STXBP5L: variants seen among roughly 807,000 people sequenced by gnomAD.
STXBP5L encodes syntaxin binding protein 5L.
A neutral mutation model predicts 144.5 loss-of-function variants in STXBP5L; 65 were observed. The observed-to-expected ratio is 0.45, with a 90% CI of 0.37 to 0.55. The LOEUF is 0.55. Among genes scored for constraint, STXBP5L ranks in the 20% least tolerant of loss-of-function variants. The pLI is 0.00. For missense variants in STXBP5L, 1,298 were observed against 1,405.5 expected, an observed-to-expected ratio of 0.92 and a Z score of 1.22; for synonymous variants, 505 against 469.6, an observed-to-expected ratio of 1.08 and a Z score of -0.97.
At chr3:121,051,998 C>A (rs2107594634) in intron 5 of STXBP5L, among the ~76,000 whole-genome samples, 1 of 152,258 alleles carries the variant, frequency 6.6e-6, no homozygotes, top group East Asian at 1.9e-4. Flanking sequence ...GGATAAATTC[C>A]TGGACACATA....
chr3:121,007,165 A>G (rs1178401878), intron 3 of STXBP5L, among the ~76,000 whole-genome samples: 1 of 152,096 alleles, frequency 6.6e-6, no homozygotes, highest in East Asian at 1.9e-4. Context: ...ACATTTTTAA[A>G]TTCTACTTGT....
chr3:121,330,998 G>A (rs911997212), intron 20 of STXBP5L, among the ~76,000 whole-genome samples: 6 of 152,188 alleles, frequency 3.9e-5, no homozygotes, highest in Admixed American at 3.9e-4. Context: ...CTTGCAGACA[G>A]TCCCCACTAC....
intron 9 of STXBP5L, among the ~76,000 whole-genome samples, chr3:121,173,041 G>A (rs912557204): frequency 1.3e-5 from 2 of 152,156 alleles, no homozygotes; most frequent in African/African-American, 4.8e-5. Flanking sequence ...GGACATGGAT[G>A]AAGCTGGAAA....
chr3:121,244,978 C>T (rs897222776), intron 14 of STXBP5L, among the ~76,000 whole-genome samples: 1 of 152,004 alleles, frequency 6.6e-6, no homozygotes, highest in Non-Finnish European at 1.5e-5. Flanking sequence ...ACCACCGAAG[C>T]ATACAAAAAC....
At chr3:121,208,943 G>A (rs554252371) in intron 10 of STXBP5L, among the ~76,000 whole-genome samples, 4 of 151,540 alleles carry the variant, frequency 2.6e-5, no homozygotes, top group East Asian at 3.9e-4. Flanking sequence ...AACAGGCCAC[G>A]GTGTGTGATG....
chr3:121,293,175 G>T (rs2051510536), intron 19 of STXBP5L, among the ~76,000 whole-genome samples: 1 of 152,138 alleles, frequency 6.6e-6, no homozygotes, highest in Admixed American at 6.5e-5. Context: ...CAACATGGAT[G>T]AATCCAAAAT....
At chr3:121,006,367 A>G (rs1185572236) in intron 3 of STXBP5L, among the ~76,000 whole-genome samples, 2 of 151,916 alleles carry the variant, frequency 1.3e-5, no homozygotes, top group Non-Finnish European at 2.9e-5. Flanking sequence ...AGAGACTAGG[A>G]TTGCAATCCC....
intron 2 of STXBP5L, among the ~76,000 whole-genome samples, chr3:120,928,661 T>TGTGTGTGC (rs1709766648): frequency 6.6e-6 from 1 of 151,878 alleles, no homozygotes; most frequent in South Asian, 2.1e-4. Flanking sequence ...TGTGTGTGTG[T>TGTGTGTGC]GTGTGTGTGT....
intron 20 of STXBP5L, among the ~76,000 whole-genome samples, chr3:121,328,473 G>T (rs376209600): frequency 2.6e-4 from 39 of 152,208 alleles, no homozygotes; most frequent in African/African-American, 8.9e-4. Flanking sequence ...TCACGGCTGG[G>T]CCTGGTGGCT....
At chr3:121,361,999 G>C (rs1219517949) in intron 20 of STXBP5L, among the ~76,000 whole-genome samples, 1 of 152,150 alleles carries the variant, frequency 6.6e-6, no homozygotes, top group East Asian at 1.9e-4. Flanking sequence ...ATCTGCTTTG[G>C]GGGCACCCCA....
chr3:121,271,095 A>C (rs917762726), intron 18 of STXBP5L, among the ~76,000 whole-genome samples: 1 of 152,202 alleles, frequency 6.6e-6, no homozygotes, highest in Non-Finnish European at 1.5e-5. Context: ...CACCCATTAC[A>C]TTTAGCATCC....
rs566570758 is a variant in STXBP5L at position 120,911,016 on chromosome 3, C to G, written c.189+1249C>G. Among the ~76,000 whole-genome samples, 8 of 152,138 alleles carry G rather than the reference C, an allele frequency of 5.3e-5. No individual in the cohort carries two copies. The South Asian group carries it at 1.2e-3, about 24-fold the overall frequency. ...AGTCCTGGAGTTCAAATTTGAACTGCTAGGCAGGGGAATTATGCCCTGATT... is the reference window on the plus strand; with the variant it reads ...AGTCCTGGAGTTCAAATTTGAACTGGTAGGCAGGGGAATTATGCCCTGATT... On this transcript the variant is annotated intron_variant, in intron 2 of 26. Transcript: ENST00000471454.
intron 20 of STXBP5L, among the ~76,000 whole-genome samples, chr3:121,341,515 A>T (rs1002721627): frequency 1.3e-5 from 2 of 151,970 alleles, no homozygotes; most frequent in Non-Finnish European, 1.5e-5. Context: ...CCCACTACCA[A>T]GTGTATAGCC....
chr3:121,220,530 C>A (rs948063900), intron 10 of STXBP5L, among the ~76,000 whole-genome samples: 1 of 151,962 alleles, frequency 6.6e-6, no homozygotes, highest in Non-Finnish European at 1.5e-5. Context: ...GATCTGTAAT[C>A]TAATAAATGT....
At chr3:120,978,374 A>T (rs377514516) in intron 3 of STXBP5L, among the ~76,000 whole-genome samples, 1 of 152,102 alleles carries the variant, frequency 6.6e-6, no homozygotes, top group Non-Finnish European at 1.5e-5. Flanking sequence ...CGTAGTTCTC[A>T]AGCCTTGGCT....
intron 9 of STXBP5L, among the ~76,000 whole-genome samples, chr3:121,188,248 G>A (rs1008646667): frequency 6.6e-5 from 10 of 152,022 alleles, no homozygotes; most frequent in African/African-American, 1.2e-4. Flanking sequence ...TCTCAGCACC[G>A]CATCACACTT....
intron 20 of STXBP5L, among the ~76,000 whole-genome samples, chr3:121,372,403 C>A (rs1178863332): frequency 6.6e-6 from 1 of 152,150 alleles, no homozygotes; most frequent in Admixed American, 6.5e-5. Context: ...GCTCCCACAC[C>A]AAACCCTCTG....
chr3:120,980,264 C>G (rs1941611501), intron 3 of STXBP5L, among the ~76,000 whole-genome samples: 1 of 152,008 alleles, frequency 6.6e-6, no homozygotes, highest in Non-Finnish European at 1.5e-5. Flanking sequence ...TAAGTAAAGA[C>G]TTTCTTTGTT....
intron 3 of STXBP5L, among the ~76,000 whole-genome samples, chr3:120,978,624 C>CT (rs1559942898): frequency 6.6e-6 from 1 of 151,942 alleles, no homozygotes; most frequent in Non-Finnish European, 1.5e-5. Context: ...AGGCACTCTG[C>CT]TTTTTAGAGT....
Sources: gnomAD v4.1 joint callset for allele counts (sites outside exome capture counted in the v4.1 genomes callset) on GRCh38, gnomAD v4.1.1 for gene constraint, MANE v1.5 for transcripts, NCBI Gene and HGNC (gene_info 2026-07-23, HGNC 2026-07-21) for gene names.